THSD4: variants seen among roughly 807,000 people sequenced by gnomAD.
THSD4 encodes thrombospondin type-1 domain-containing protein 4.
A neutral mutation model predicts 119.0 loss-of-function variants in THSD4; 69 were observed. That is an observed-to-expected ratio of 0.58 (90% CI 0.48 to 0.71). The LOEUF is 0.71. Ranked by LOEUF, THSD4 falls within the 30% of genes least tolerant of loss-of-function variation. THSD4 has a pLI of 0.00. For synonymous variants in THSD4, 524 were observed against 540.4 expected (o/e 0.97, Z 0.42); for missense variants, 1,393 against 1,391.1 (o/e 1.00, Z -0.02).
intron 7 of THSD4, among the ~76,000 whole-genome samples, chr15:71,488,023 T>G (rs1213673300): frequency 1.3e-5 from 2 of 152,212 alleles, no homozygotes; most frequent in African/African-American, 4.8e-5. Flanking sequence ...TATTCAGTTA[T>G]GTAGGCTGCT....
intron 7 of THSD4, among the ~76,000 whole-genome samples, chr15:71,530,509 C>T (rs2048591616): frequency 6.6e-6 from 1 of 152,164 alleles, no homozygotes. Context: ...TGACACACTA[C>T]TTATTTGGGG....
chr15:71,197,050 GTCTC>G (rs1450539207), intron 3 of THSD4, among the ~76,000 whole-genome samples: 2 of 152,172 alleles, frequency 1.3e-5, no homozygotes, highest in African/African-American at 2.4e-5. Context: ...AGAAAAACAA[GTCTC>G]TCTGCTCTTG....
At chr15:71,148,242 G>T (rs1359002044) in intron 2 of THSD4, among the ~76,000 whole-genome samples, 1 of 152,198 alleles carries the variant, frequency 6.6e-6, no homozygotes, top group African/African-American at 2.4e-5. Flanking sequence ...GACCAAGGCA[G>T]ATCCAGAGGG....
At chr15:71,377,569 G>A (rs2046155655) in intron 6 of THSD4, among the ~76,000 whole-genome samples, 1 of 152,084 alleles carries the variant, frequency 6.6e-6, no homozygotes, top group Non-Finnish European at 1.5e-5. Context: ...TTGAAGAGAA[G>A]GTGGTCGTCT....
At chr15:71,243,151 T>C in intron 5 of THSD4, 55 bp downstream of exon 5, 1 of 1,542,794 alleles carries the variant, frequency 6.5e-7, no homozygotes, top group East Asian at 2.3e-5. Flanking sequence ...CGTTTTTCTG[T>C]CATTTGGCAC....
intron 6 of THSD4, among the ~76,000 whole-genome samples, chr15:71,375,956 T>G (rs1410846383): frequency 6.6e-6 from 1 of 152,328 alleles, no homozygotes; most frequent in Admixed American, 6.5e-5. Context: ...GACTCTGTAT[T>G]ATTTATCACT....
At chr15:71,203,838 A>G (rs2037177138) in intron 3 of THSD4, among the ~76,000 whole-genome samples, 1 of 152,064 alleles carries the variant, frequency 6.6e-6, no homozygotes, top group African/African-American at 2.4e-5. Flanking sequence ...TTCCATGAAA[A>G]TGCTTTCGGC....
chr15:71,488,256 A>T (rs2047853481), intron 7 of THSD4, among the ~76,000 whole-genome samples: 1 of 152,230 alleles, frequency 6.6e-6, no homozygotes, highest in Non-Finnish European at 1.5e-5. Context: ...GAATTATATT[A>T]ATATATCTCC....
intron 7 of THSD4, among the ~76,000 whole-genome samples, chr15:71,421,750 A>C (rs1391189691): frequency 1.3e-5 from 2 of 152,184 alleles, no homozygotes; most frequent in East Asian, 3.9e-4. Context: ...CCCTTTGAAT[A>C]AACATTCTAC....
chr15:71,682,071 C>T (rs989890289), intron 8 of THSD4, among the ~76,000 whole-genome samples: 3 of 152,150 alleles, frequency 2.0e-5, no homozygotes, highest in African/African-American at 4.8e-5. Context: ...TCCGACCCCC[C>T]CTGGAAAGGA....
At chr15:71,481,708 G>A (rs1047384862) in intron 7 of THSD4, among the ~76,000 whole-genome samples, 1 of 151,932 alleles carries the variant, frequency 6.6e-6, no homozygotes, top group African/African-American at 2.4e-5. Flanking sequence ...GACAAGATGT[G>A]TACGTATATG....
At chr15:71,602,140 G>C (rs2050022442) in intron 7 of THSD4, among the ~76,000 whole-genome samples, 1 of 152,042 alleles carries the variant, frequency 6.6e-6, no homozygotes, top group African/African-American at 2.4e-5. Flanking sequence ...AAAGAACAGG[G>C]GTGGTCTGGA....
intron 8 of THSD4, among the ~76,000 whole-genome samples, chr15:71,723,071 A>AGTT (rs1252732927): frequency 3.2e-5 from 1 of 31,054 alleles, no homozygotes; most frequent in African/African-American, 4.6e-5. Flanking sequence ...CATTTAGGCT[A>AGTT]GTTTTTTTTT....
intron 3 of THSD4, among the ~76,000 whole-genome samples, chr15:71,202,842 C>T (rs976094629): frequency 6.6e-6 from 1 of 152,156 alleles, no homozygotes; most frequent in Non-Finnish European, 1.5e-5. Flanking sequence ...AGTTTGAATT[C>T]TGGCAGCACT....
rs373655441 is a variant in THSD4 at position 71,213,138 on chromosome 15, A to C, written c.100-1897A>C. 7.9e-5 allele frequency among the ~76,000 whole-genome samples: 12 copies of C among 152,260 alleles called. 1 individual carries two copies. The highest frequency in any genetic ancestry group is 4.2e-4 in the South Asian group (2 of 4,814). On this transcript the variant is annotated intron_variant, in intron 3 of 17. Transcript: ENST00000261862. The stretch of plus-strand genomic sequence containing the variant: ...TGTCACTAGGGCCACGCTCCTTCCA[A>C]AGTTACTAAGGGGAGAATCCTTCCT...
At chr15:71,570,970 G>A (rs1194811315) in intron 7 of THSD4, among the ~76,000 whole-genome samples, 1 of 152,164 alleles carries the variant, frequency 6.6e-6, no homozygotes, top group Non-Finnish European at 1.5e-5. Context: ...CGCCTCTGTG[G>A]ATCATTGAAC....
At chr15:71,540,751 G>T (rs1339317603) in intron 7 of THSD4, among the ~76,000 whole-genome samples, 8 of 115,248 alleles carry the variant, frequency 6.9e-5, no homozygotes, top group African/African-American at 1.0e-4. Context: ...TTTTTTAAAC[G>T]AGTCTCTGTC....
At chr15:71,120,668 C>T (rs2040401624) in intron 1 of THSD4, among the ~76,000 whole-genome samples, 1 of 152,238 alleles carries the variant, frequency 6.6e-6, no homozygotes, top group Non-Finnish European at 1.5e-5. Context: ...ATCTAATCTC[C>T]TGCCAGGGGA....
intron 8 of THSD4, among the ~76,000 whole-genome samples, chr15:71,667,183 T>C (rs1050333487): frequency 6.6e-6 from 1 of 152,238 alleles, no homozygotes; most frequent in Non-Finnish European, 1.5e-5. Context: ...GGAAAGACTT[T>C]AGAACTCCTG....
Sources: allele counts gnomAD v4.1 joint callset (sites outside exome capture counted in the v4.1 genomes callset), GRCh38; gene constraint gnomAD v4.1.1; transcripts MANE v1.5; gene names NCBI Gene and HGNC (gene_info 2026-07-23, HGNC 2026-07-21).